The following CDH12 variants were observed in gnomAD, a reference collection of about 807,000 sequenced individuals.
CDH12 encodes cadherin 12.
Under a neutral mutation model 74.1 loss-of-function variants are expected in CDH12, and 41 were observed. That is an observed-to-expected ratio of 0.55 (90% CI 0.43 to 0.72). CDH12 has a LOEUF of 0.72. CDH12 is among the 30% of genes least tolerant of loss of function. The pLI, the probability that CDH12 is intolerant of heterozygous loss-of-function variation, is 0.00. For synonymous variants in CDH12, 399 were observed against 355.0 expected, an observed-to-expected ratio of 1.12 and a Z score of -1.39; for missense variants, 945 against 977.2, an observed-to-expected ratio of 0.97 and a Z score of 0.44.
intron 4 of CDH12, among the ~76,000 whole-genome samples, chr5:22,141,629 C>A (rs1246848245): frequency 6.6e-6 from 1 of 152,014 alleles, no homozygotes; most frequent in Non-Finnish European, 1.5e-5. Flanking sequence ...AGCAAGGCAG[C>A]AATATGAGTA....
chr5:22,452,994 C>T (rs890453818), intron 2 of CDH12, among the ~76,000 whole-genome samples: 6 of 149,146 alleles, frequency 4.0e-5, no homozygotes, highest in African/African-American at 1.5e-4. Flanking sequence ...TGTTCAACAT[C>T]ATTATTAATC....
chr5:22,805,133 C>T (rs377099986), intron 1 of CDH12, among the ~76,000 whole-genome samples: 3 of 151,994 alleles, frequency 2.0e-5, no homozygotes, highest in Non-Finnish European at 4.4e-5. Context: ...GCAATTTTCA[C>T]CTCTAGAGAA....
rs184994643 is a variant in CDH12 at position 22,199,019 on chromosome 5, G to A, written c.-187+13479C>T. 6.8e-4 allele frequency among the ~76,000 whole-genome samples: 103 copies of A among 152,148 alleles called. 1 individual carries two copies. The East Asian group carries it at 0.018, about 27-fold the overall frequency. On this transcript the variant is annotated intron_variant, in intron 4 of 14. Transcript: ENST00000382254. ...CCTCAAACTACAATGTGTTCAAAAG[G>A]GGAAATTGGAGAGGCACATGAACTT...
chr5:21,863,168 T>A (rs1751141982), intron 6 of CDH12, among the ~76,000 whole-genome samples: 1 of 152,132 alleles, frequency 6.6e-6, no homozygotes, highest in African/African-American at 2.4e-5. Flanking sequence ...GTAGATTAGA[T>A]TCCAACTGTG....
At chr5:22,283,024 T>C (rs992220085) in intron 3 of CDH12, among the ~76,000 whole-genome samples, 23 of 151,894 alleles carry the variant, frequency 1.5e-4, no homozygotes, top group African/African-American at 4.8e-4. Flanking sequence ...ATTAAGAAAA[T>C]GTTACACATA....
At chr5:22,770,291 A>G (rs1746739893) in intron 1 of CDH12, among the ~76,000 whole-genome samples, 1 of 152,194 alleles carries the variant, frequency 6.6e-6, no homozygotes, top group Admixed American at 6.6e-5. Flanking sequence ...AAAAGCAAAC[A>G]GGATTGGCAT....
chr5:21,912,696 A>C (rs1271382567), intron 6 of CDH12, among the ~76,000 whole-genome samples: 1 of 152,170 alleles, frequency 6.6e-6, no homozygotes, highest in Non-Finnish European at 1.5e-5. Flanking sequence ...CCTAAACATG[A>C]CATCCCAATT....
intron 4 of CDH12, among the ~76,000 whole-genome samples, chr5:22,103,110 CA>C (rs1398552941): frequency 6.6e-6 from 1 of 152,118 alleles, no homozygotes; most frequent in Non-Finnish European, 1.5e-5. Context: ...CACTTAGAGA[CA>C]GGCAGATAGG....
At chr5:22,595,535 A>T (rs898057494) in intron 1 of CDH12, among the ~76,000 whole-genome samples, 1 of 152,222 alleles carries the variant, frequency 6.6e-6, no homozygotes, top group Non-Finnish European at 1.5e-5. Context: ...GAGCTATATA[A>T]GTATGGTTAT....
At chr5:22,459,934 C>CT (rs2126582082) in intron 2 of CDH12, among the ~76,000 whole-genome samples, 1 of 152,230 alleles carries the variant, frequency 6.6e-6, no homozygotes, top group African/African-American at 2.4e-5. Flanking sequence ...CACCACTGTA[C>CT]TCCAACCGGG....
chr5:22,308,887 A>G (rs1278043615), intron 3 of CDH12, among the ~76,000 whole-genome samples: 1 of 40,308 alleles, frequency 2.5e-5, no homozygotes, highest in Admixed American at 3.1e-4. Context: ...AGAGAGAAAG[A>G]GAGAGAGAGA....
chr5:21,840,587 A>C (rs968945091), intron 8 of CDH12, among the ~76,000 whole-genome samples: 1 of 151,898 alleles, frequency 6.6e-6, no homozygotes, highest in Non-Finnish European at 1.5e-5. Context: ...GAGGCATCAC[A>C]CTACCTGACT....
chr5:21,996,922 T>C (rs1736333948), intron 5 of CDH12, among the ~76,000 whole-genome samples: 1 of 152,078 alleles, frequency 6.6e-6, no homozygotes, highest in African/African-American at 2.4e-5. Flanking sequence ...GTAAAATTAG[T>C]AGATAGAAGC....
intron 4 of CDH12, among the ~76,000 whole-genome samples, chr5:22,085,537 C>T (rs375481671): frequency 3.3e-5 from 5 of 152,010 alleles, no homozygotes. Context: ...AATTAATATT[C>T]TATGGAGTAA....
intron 1 of CDH12, among the ~76,000 whole-genome samples, chr5:22,584,555 G>A (rs975923318): frequency 2.0e-5 from 3 of 151,810 alleles, no homozygotes; most frequent in South Asian, 4.2e-4. Context: ...ATTTTTTTGT[G>A]TGTTACAAAC....
chr5:22,820,709 C>T (rs558683120), intron 1 of CDH12, among the ~76,000 whole-genome samples: 2 of 152,208 alleles, frequency 1.3e-5, no homozygotes, highest in African/African-American at 4.8e-5. Flanking sequence ...CTGAATAGAC[C>T]AATAACAGGC....
intron 4 of CDH12, among the ~76,000 whole-genome samples, chr5:22,087,524 C>G (rs1450195343): frequency 6.6e-6 from 1 of 151,942 alleles, no homozygotes; most frequent in East Asian, 1.9e-4. Context: ...ACCTGTAGTC[C>G]CAGCTGCTTG....
intron 4 of CDH12, among the ~76,000 whole-genome samples, chr5:22,088,601 A>G (rs1425970580): frequency 6.6e-6 from 1 of 152,138 alleles, no homozygotes; most frequent in Admixed American, 6.5e-5. Context: ...CATTCCTCTC[A>G]GGGGAAACAG....
chr5:21,802,314 G>A lies in CDH12; in HGVS notation c.1109C>T (p.Thr370Met), dbSNP rs201729605. ...TACGTCCAGCACGCTGATCTTCACC[G>A]TAGCTGTGTCTTTGAAAGGGCCCGC... ...HSAGPFKDTA[T>M]VKISVLDVDE... The change falls in exon 10 of 15, where the codon ACG (threonine) becomes ATG (methionine). Residue 370 changes from threonine (T) to methionine (M), a missense_variant. Physicochemically the swap from Thr to Met is moderately conservative, Grantham distance 81. Coordinates refer to ENST00000382254, the MANE Select transcript of CDH12 (RefSeq NM_004061.5). 621 of 1,613,750 alleles carry A rather than the reference G, an allele frequency of 3.8e-4. No individual in the cohort carries two copies. The highest frequency in any genetic ancestry group is 5.0e-4 in the Non-Finnish European group (591 of 1,179,970).
Sources: gnomAD v4.1 joint callset for allele counts (sites outside exome capture counted in the v4.1 genomes callset) on GRCh38, gnomAD v4.1.1 for gene constraint, MANE v1.5 for transcripts, NCBI Gene and HGNC (gene_info 2026-07-23, HGNC 2026-07-21) for gene names.